Variants in INPP5D observed in about 807,000 individuals in gnomAD.
The protein encoded by INPP5D is inositol polyphosphate-5-phosphatase D.
INPP5D carries 33 observed loss-of-function variants against 122.9 expected under a neutral mutation model. The ratio of observed to expected loss-of-function variants is 0.27; its 90% confidence interval spans 0.20 to 0.36. The LOEUF (loss-of-function observed/expected upper bound fraction) is 0.36, where lower values mean the gene tolerates loss of function less well. Among genes scored for constraint, INPP5D ranks in the 10% least tolerant of loss-of-function variants. The pLI is 1.00. For synonymous variants in INPP5D, 584 were observed against 576.2 expected (o/e 1.01, Z -0.19); for missense variants, 1,053 against 1,412.7 (o/e 0.75, Z 4.08).
At chr2:233,140,019 G>C (rs1693599826) in intron 6 of INPP5D, 90 bp downstream of exon 6, 1 of 393,738 alleles carries the variant, frequency 2.5e-6, no homozygotes, top group Non-Finnish European at 4.5e-6. Flanking sequence ...AGGAAGAGGG[G>C]AGCACTGCCC....
chr2:233,084,416 C>T (rs2106214832), intron 2 of INPP5D, among the ~76,000 whole-genome samples: 1 of 152,310 alleles, frequency 6.6e-6, no homozygotes, highest in South Asian at 2.1e-4. Flanking sequence ...CTCATAGACC[C>T]TTTCATTATT....
chr2:233,151,279 C>T (rs142478656), intron 9 of INPP5D, among the ~76,000 whole-genome samples: 89 of 151,794 alleles, frequency 5.9e-4, no homozygotes, highest in Middle Eastern at 3.4e-3. Context: ...TTGAGTTCAC[C>T]CTGAGCAACA....
chr2:233,194,081 G>A, intron 23 of INPP5D, 120 bp downstream of exon 23: 1 of 1,407,326 alleles, frequency 7.1e-7, no homozygotes, highest in Non-Finnish European at 9.3e-7. Flanking sequence ...CAGAAATCCA[G>A]CACTGGAAAA....
intron 17 of INPP5D, among the ~76,000 whole-genome samples, chr2:233,175,620 TG>T (rs755987501): frequency 6.6e-6 from 1 of 152,160 alleles, no homozygotes; most frequent in African/African-American, 2.4e-5. Flanking sequence ...TTATGTAAGT[TG>T]TACCTAAAGT....
intron 6 of INPP5D, chr2:233,140,749 C>T (rs1453707566): frequency 6.6e-6 from 1 of 152,212 alleles, no homozygotes; most frequent in Non-Finnish European, 1.5e-5. Context: ...CTGTGTTGCC[C>T]AGGTTGGTTT....
chr2:233,110,352 G>A (rs1197796930), intron 2 of INPP5D, among the ~76,000 whole-genome samples: 2 of 151,742 alleles, frequency 1.3e-5, no homozygotes, highest in Non-Finnish European at 2.9e-5. Context: ...ACTGTGCCTG[G>A]CCTAATTTTT....
At chr2:233,095,472 T>C (rs1418853326) in intron 2 of INPP5D, among the ~76,000 whole-genome samples, 1 of 151,936 alleles carries the variant, frequency 6.6e-6, no homozygotes, top group Non-Finnish European at 1.5e-5. Context: ...ATACAAAAAT[T>C]AGCTGGAGGG....
chr2:233,115,730 A>G (rs1692769741), intron 2 of INPP5D, among the ~76,000 whole-genome samples: 1 of 152,098 alleles, frequency 6.6e-6, no homozygotes, highest in Non-Finnish European at 1.5e-5. Context: ...CCTTTCTTCA[A>G]TGGAGAGGTC....
In INPP5D at chr2:233,105,375, T is replaced by G. The variant is rs57913437; in HGVS notation, c.199-16732T>G. Among the ~76,000 whole-genome samples, 803 of 152,304 alleles carry G rather than the reference T, an allele frequency of 5.3e-3. 9 individuals are homozygous for G. The highest frequency in any genetic ancestry group is 0.018 in the African/African-American group (764 of 41,564). Reference sequence around the variant, plus strand: ...TGTCTCTTTGCCCCACCACCTCCTATTCACCTGAAGTAGGAGCATCTCAGC... The same window carrying G: ...TGTCTCTTTGCCCCACCACCTCCTAGTCACCTGAAGTAGGAGCATCTCAGC... On this transcript the variant is annotated intron_variant, in intron 2 of 26. Transcript: ENST00000445964. This position sits in a 1 kb window ranked among gnomAD's most constrained non-coding sequence, Gnocchi z 4.0.
rs1693216203 is a variant in INPP5D at position 233,128,144 on chromosome 2, C to T, written c.524+2225C>T. On this transcript the variant is annotated intron_variant, in intron 4 of 26. Transcript: ENST00000445964. The surrounding 1 kb of genome is among the most constrained non-coding windows in gnomAD (Gnocchi z 4.5). ...GCATTAGATTCTCATGAGTGTGAACCCGGTTGTGAACTGTGCACTTGAGGG... is the reference window on the plus strand; with the variant it reads ...GCATTAGATTCTCATGAGTGTGAACTCGGTTGTGAACTGTGCACTTGAGGG... 6.6e-6 allele frequency among the ~76,000 whole-genome samples: 1 copy of T among 152,104 alleles called. No homozygotes were observed. Among genetic ancestry groups the T allele is most frequent in the Admixed American group, 6.6e-5 (1 of 15,256 alleles).
chr2:233,114,744 C>A (rs1381734336), intron 2 of INPP5D, among the ~76,000 whole-genome samples: 1 of 152,212 alleles, frequency 6.6e-6, no homozygotes, highest in Non-Finnish European at 1.5e-5. Flanking sequence ...CAAACCCACA[C>A]CATTCTCTCC....
chr2:233,099,943 C>T (rs1692257631), intron 2 of INPP5D, among the ~76,000 whole-genome samples: 1 of 152,092 alleles, frequency 6.6e-6, no homozygotes, highest in African/African-American at 2.4e-5. Flanking sequence ...ATGTGGCAGA[C>T]AAGAGAAGAA....
At chr2:233,192,148 T>C (rs928435087) in intron 22 of INPP5D, among the ~76,000 whole-genome samples, 4 of 152,212 alleles carry the variant, frequency 2.6e-5, no homozygotes, top group Non-Finnish European at 5.9e-5. Flanking sequence ...ATGGCCCTAA[T>C]AGGGATCCCC....
chr2:233,137,854 ATATATATATATATATATATAT>A (rs1360398668), intron 5 of INPP5D, among the ~76,000 whole-genome samples: 4 of 8,890 alleles, frequency 4.5e-4, no homozygotes, highest in Admixed American at 2.3e-3. Flanking sequence ...AAAAAAAAAA[ATATATATATATATATATATAT>A]ATATATATAT....
At chr2:233,122,816 A>AG (rs1693029308) in intron 3 of INPP5D, among the ~76,000 whole-genome samples, 1 of 152,098 alleles carries the variant, frequency 6.6e-6, no homozygotes, top group South Asian at 2.1e-4. Context: ...AAGAAAAAAA[A>AG]AGAGAGAGAG....
intron 18 of INPP5D, among the ~76,000 whole-genome samples, chr2:233,179,229 C>A (rs1206617689): frequency 2.6e-5 from 4 of 152,218 alleles, no homozygotes; most frequent in Non-Finnish European, 4.4e-5. Context: ...TGCCTGCAGC[C>A]TCCTCACTTG....
chr2:233,111,351 T>TAC (rs150278724), intron 2 of INPP5D, among the ~76,000 whole-genome samples: 2,078 of 151,928 alleles, frequency 0.014, 45 homozygotes, highest in African/African-American at 0.047. Context: ...ATAACTTTTA[T>TAC]ACACACACAC....
chr2:233,148,346 G>C (rs1280778035), intron 9 of INPP5D, among the ~76,000 whole-genome samples: 1 of 152,226 alleles, frequency 6.6e-6, no homozygotes, highest in Non-Finnish European at 1.5e-5. Context: ...CAGGGCAAAG[G>C]GGTAGAGGTT....
At chr2:233,187,179 G>A (rs1222662767) in intron 21 of INPP5D, among the ~76,000 whole-genome samples, 1 of 124,670 alleles carries the variant, frequency 8.0e-6, no homozygotes, top group Non-Finnish European at 1.6e-5. Context: ...GTGAGACGCT[G>A]TCTCTTTTTT....
Sources: gnomAD v4.1 joint callset for allele counts (sites outside exome capture counted in the v4.1 genomes callset) on GRCh38, gnomAD v4.1.1 for gene constraint, Gnocchi (gnomAD v3.1) non-coding constraint, MANE v1.5 for transcripts, NCBI Gene and HGNC (gene_info 2026-07-23, HGNC 2026-07-21) for gene names.